NRXN1: variants seen among roughly 807,000 people sequenced by gnomAD.
NRXN1 encodes neurexin 1, also known as neurexin-1.
Under a neutral mutation model 150.9 loss-of-function variants are expected in NRXN1, and 39 were observed. That is an observed-to-expected ratio of 0.26 (90% CI 0.20 to 0.34). The LOEUF (loss-of-function observed/expected upper bound fraction) is 0.34. Among genes scored for constraint, NRXN1 ranks in the 10% least tolerant of loss-of-function variants. The pLI, the probability that NRXN1 is intolerant of heterozygous loss-of-function variation, is 1.00. For missense variants in NRXN1, 1,815 were observed against 1,949.9 expected (o/e 0.93, Z 1.30); for synonymous variants, 924 against 757.0 (o/e 1.22, Z -3.62).
chr2:50,488,784 A>G (rs1398249660), intron 15 of NRXN1, among the ~76,000 whole-genome samples: 1 of 152,222 alleles, frequency 6.6e-6, no homozygotes, highest in Non-Finnish European at 1.5e-5. Flanking sequence ...TCTTACTTGA[A>G]TGAGAGAGAT....
chr2:50,883,094 A>C (rs913560606), intron 5 of NRXN1, among the ~76,000 whole-genome samples: 1 of 151,880 alleles, frequency 6.6e-6, no homozygotes, highest in African/African-American at 2.4e-5. Flanking sequence ...TTATTCTTAA[A>C]ATGAAATTTT....
chr2:50,053,497 T>A lies in NRXN1; in HGVS notation c.3902A>T (p.Tyr1301Phe), dbSNP rs1389711563. Residue 1301 changes from tyrosine (Y) to phenylalanine (F), a missense_variant, in exon 21 of 23, where the codon TAC (tyrosine) becomes TTC (phenylalanine). Tyr to Phe is a conservative substitution (Grantham distance 22, BLOSUM62 3). Around this residue, in one of 6 missense-constraint regions of NRXN1, gnomAD observed 265 missense variants for 307.1 expected, o/e 0.86. Transcript: ENST00000401669. The stretch of plus-strand genomic sequence containing the variant: ...ATTCAGAACTTTCAAGCCATTGTAG[T>A]ACAGCCCAGAGAGCTGGCCCTGGAA... ...QPFQGQLSGL[Y>F]YNGLKVLNMA... The A allele has an allele frequency of 6.2e-7, 1 of 1,614,102 alleles. No homozygotes were observed. Among genetic ancestry groups the A allele is most frequent in the Admixed American group, 1.7e-5 (1 of 60,010 alleles).
intron 21 of NRXN1, among the ~76,000 whole-genome samples, chr2:49,965,308 C>A (rs1025322436): frequency 6.6e-6 from 1 of 151,570 alleles, no homozygotes; most frequent in Non-Finnish European, 1.5e-5. Flanking sequence ...CCTCCGTCTC[C>A]CAGGCTGGAG....
chr2:51,030,744 AT>A (rs1297976953), intron 1 of NRXN1, among the ~76,000 whole-genome samples: 1 of 152,178 alleles, frequency 6.6e-6, no homozygotes, highest in East Asian at 1.9e-4. Flanking sequence ...GAAATAGCAT[AT>A]TATTCAGTAT....
At chr2:50,472,554 G>T in intron 15 of NRXN1, 83 bp from the exon 16 acceptor site, 9 of 1,065,882 alleles carry the variant, frequency 8.4e-6, no homozygotes, top group African/African-American at 1.7e-5. Context: ...AAAACAGGGA[G>T]GTTTATTTTT....
chr2:50,410,671 T>C (rs2083083454), intron 17 of NRXN1, among the ~76,000 whole-genome samples: 1 of 151,886 alleles, frequency 6.6e-6, no homozygotes, highest in Non-Finnish European at 1.5e-5. Flanking sequence ...TCACAAATAT[T>C]TCAGAAAAAA....
chr2:50,270,781 T>C (rs989724289), intron 17 of NRXN1, among the ~76,000 whole-genome samples: 3 of 151,858 alleles, frequency 2.0e-5, no homozygotes, highest in Non-Finnish European at 4.4e-5. Flanking sequence ...GCAATTCTCC[T>C]GCCTCAGCTT....
At chr2:50,382,837 T>C (rs1181617450) in intron 17 of NRXN1, among the ~76,000 whole-genome samples, 1 of 152,142 alleles carries the variant, frequency 6.6e-6, no homozygotes, top group East Asian at 1.9e-4. Flanking sequence ...TCACAGCTTT[T>C]ACTGGTAATG....
At chr2:50,672,262 TAA>T (rs755403399) in intron 5 of NRXN1, among the ~76,000 whole-genome samples, 2 of 146,062 alleles carry the variant, frequency 1.4e-5, no homozygotes, top group Non-Finnish European at 1.5e-5. Context: ...ATACCAATGT[TAA>T]AAAAAAAAAG....
At chr2:49,933,988 C>A (rs1424136123) in intron 22 of NRXN1, among the ~76,000 whole-genome samples, 1 of 152,144 alleles carries the variant, frequency 6.6e-6, no homozygotes, top group Non-Finnish European at 1.5e-5. Flanking sequence ...TTGTTTCAGG[C>A]CATTAACTGT....
At position 50,891,553 on chromosome 2, in the gene NRXN1, A is replaced by C. The variant is rs562196231; in HGVS notation, c.832+30316T>G. On this transcript the variant is annotated intron_variant, in intron 5 of 22. Coordinates refer to ENST00000401669, the MANE Select transcript of NRXN1 (RefSeq NM_001330078.2). ...CTGTTTGAAAGATTCTCAACTGCTCAAGAGGTAGACTTCTATAAAAATTAA... is the reference window on the plus strand; with the variant it reads ...CTGTTTGAAAGATTCTCAACTGCTCCAGAGGTAGACTTCTATAAAAATTAA... 4.4e-4 allele frequency among the ~76,000 whole-genome samples: 67 copies of C among 152,230 alleles called. 1 individual carries two copies. The highest frequency in any genetic ancestry group is 1.6e-3 in the African/African-American group (65 of 41,568).
At chr2:50,319,723 C>T (rs531524798) in intron 17 of NRXN1, among the ~76,000 whole-genome samples, 4 of 152,060 alleles carry the variant, frequency 2.6e-5, no homozygotes, top group South Asian at 2.1e-4. Context: ...ACAGTGGCAC[C>T]GTAGCACCTC....
chr2:50,897,241 A>G (rs1478398248), intron 5 of NRXN1, among the ~76,000 whole-genome samples: 1 of 152,206 alleles, frequency 6.6e-6, no homozygotes, highest in Non-Finnish European at 1.5e-5. Flanking sequence ...AGGACTGGTT[A>G]TGAGGATAAA....
chr2:50,196,022 C>A (rs995859988), intron 18 of NRXN1, among the ~76,000 whole-genome samples: 2 of 151,894 alleles, frequency 1.3e-5, no homozygotes, highest in African/African-American at 4.8e-5. Flanking sequence ...AGGTTTGTTA[C>A]ATATGTAAAC....
chr2:51,002,697 T>C (rs1420634778), intron 2 of NRXN1, among the ~76,000 whole-genome samples: 2 of 151,906 alleles, frequency 1.3e-5, no homozygotes, highest in South Asian at 4.1e-4. Context: ...ACATCATACA[T>C]GCAAGATGAC....
chr2:50,538,966 A>T lies in NRXN1; in HGVS notation c.1760-330T>A, dbSNP rs567923764. The stretch of plus-strand genomic sequence containing the variant: ...AATAAAGAAACTGTAATTCTGTATC[A>T]GTCTCTAGAAGAAAGTCAGATTCCC... On this transcript the variant is annotated intron_variant, in intron 9 of 22. Transcript: ENST00000401669. Among the ~76,000 whole-genome samples, 23 of 152,322 alleles carry T rather than the reference A, an allele frequency of 1.5e-4. No homozygotes were observed. In the South Asian group the frequency reaches 4.8e-3, roughly 32 times the overall value.
chr2:50,667,069 C>T (rs1233429024), intron 5 of NRXN1, among the ~76,000 whole-genome samples: 1 of 151,880 alleles, frequency 6.6e-6, no homozygotes, highest in South Asian at 2.1e-4. Context: ...CTTCTTCATT[C>T]TTCAAAAGCA....
intron 5 of NRXN1, among the ~76,000 whole-genome samples, chr2:50,897,409 C>T (rs1284954271): frequency 6.6e-6 from 1 of 152,130 alleles, no homozygotes; most frequent in Admixed American, 6.5e-5. Flanking sequence ...CATCTATGCT[C>T]AGAATGATGA....
chr2:50,177,001 T>C (rs1184684632), intron 18 of NRXN1, among the ~76,000 whole-genome samples: 1 of 152,130 alleles, frequency 6.6e-6, no homozygotes, highest in Non-Finnish European at 1.5e-5. Flanking sequence ...AGAGAAGACA[T>C]ACATTATCAT....
Sources: allele counts gnomAD v4.1 joint callset (sites outside exome capture counted in the v4.1 genomes callset), GRCh38; gene constraint gnomAD v4.1.1; regional missense constraint gnomAD v4.1.1; transcripts MANE v1.5; gene names NCBI Gene and HGNC (gene_info 2026-07-23, HGNC 2026-07-21).